MSRA: variants seen among roughly 807,000 people sequenced by gnomAD.
MSRA encodes mitochondrial peptide methionine sulfoxide reductase.
Under a neutral mutation model 31.3 loss-of-function variants are expected in MSRA, and 54 were observed. The ratio of observed to expected loss-of-function variants is 1.73; its 90% confidence interval spans 1.39 to 2.17. MSRA has a LOEUF of 2.17. Ranked by LOEUF, MSRA falls within the 30% of genes most tolerant of loss-of-function variation. MSRA has a pLI of 0.00. For synonymous variants in MSRA, 169 were observed against 116.5 expected (o/e 1.45, Z -2.90); for missense variants, 507 against 300.9 (o/e 1.69, Z -5.07).
chr8:10,357,044 G>T (rs147459881), intron 5 of MSRA, among the ~76,000 whole-genome samples: 2 of 151,958 alleles, frequency 1.3e-5, no homozygotes, highest in Non-Finnish European at 2.9e-5. Flanking sequence ...TGTATTTCCT[G>T]AACATTGGCA....
At position 10,421,243 on chromosome 8, in the gene MSRA, C is replaced by T. The variant is rs575183932; in HGVS notation, c.544-6905C>T. Among the ~76,000 whole-genome samples, 4 of 152,266 alleles carry T rather than the reference C, an allele frequency of 2.6e-5. No individual in the cohort carries two copies. In the South Asian group the frequency reaches 8.3e-4, roughly 32 times the overall value. On this transcript the variant is annotated intron_variant, in intron 5 of 5. Transcript: ENST00000317173. ...GCTGGCCTCGGCTGCTGACCGGTGG[C>T]TGTGGTCATGCCTGTCCTCTCCCCC...
chr8:10,125,925 T>G (rs1417786776), intron 1 of MSRA, among the ~76,000 whole-genome samples: 3 of 152,228 alleles, frequency 2.0e-5, no homozygotes, highest in African/African-American at 7.2e-5. Flanking sequence ...CACTAACTGC[T>G]TTAAAAGGCG....
intron 1 of MSRA, among the ~76,000 whole-genome samples, chr8:10,168,629 C>G (rs1459060904): frequency 6.6e-6 from 1 of 152,148 alleles, no homozygotes; most frequent in African/African-American, 2.4e-5. Context: ...AAGTGAAGCT[C>G]AGAGAAGGGA....
intron 2 of MSRA, among the ~76,000 whole-genome samples, chr8:10,239,608 G>T (rs926701385): frequency 6.6e-6 from 1 of 152,226 alleles, no homozygotes; most frequent in Admixed American, 6.5e-5. Context: ...ACTTGTCCCT[G>T]TAGCAGTGAT....
chr8:10,211,629 G>C (rs905614809), intron 2 of MSRA, among the ~76,000 whole-genome samples: 1 of 152,160 alleles, frequency 6.6e-6, no homozygotes, highest in African/African-American at 2.4e-5. Flanking sequence ...CCCGCCCTGT[G>C]TAGTGGGCAT....
chr8:10,380,239 C>G (rs1488117480), intron 5 of MSRA, among the ~76,000 whole-genome samples: 1 of 152,220 alleles, frequency 6.6e-6, no homozygotes, highest in Non-Finnish European at 1.5e-5. Flanking sequence ...CTTTTTATCT[C>G]TCTGGATGAT....
At chr8:10,312,788 T>C (rs1801504403) in intron 4 of MSRA, among the ~76,000 whole-genome samples, 1 of 152,226 alleles carries the variant, frequency 6.6e-6, no homozygotes, top group East Asian at 1.9e-4. Flanking sequence ...GCAGGTATTT[T>C]AAAAACATGT....
chr8:10,325,634 A>C (rs1265208428), intron 5 of MSRA, among the ~76,000 whole-genome samples: 4 of 152,246 alleles, frequency 2.6e-5, no homozygotes, highest in Non-Finnish European at 5.9e-5. Flanking sequence ...TTGCAAAATC[A>C]GCAATTTGCA....
chr8:10,385,056 C>T (rs1259340939), intron 5 of MSRA, among the ~76,000 whole-genome samples: 2 of 152,024 alleles, frequency 1.3e-5, no homozygotes, highest in Admixed American at 6.6e-5. Flanking sequence ...TAGGGTGTTG[C>T]AGTGGGGAAG....
chr8:10,428,189 C>G lies in MSRA; in HGVS notation c.585C>G (p.Ile195Met), dbSNP rs779669937. The change falls in exon 6 of 6, where the codon ATC becomes ATG. Residue 195 changes from isoleucine (I) to methionine (M), a missense_variant. Physicochemically the swap from Ile to Met is conservative, Grantham distance 10. Coordinates refer to ENST00000317173, the MANE Select transcript of MSRA (RefSeq NM_012331.5). ...EHGFGPITTD[I>M]REGQTFYYAE... ...GCTTCGGCCCCATCACTACCGACAT[C>G]CGGGAGGGACAGACTTTCTACTATG... The G allele has an allele frequency of 4.3e-6, 7 of 1,614,158 alleles. No individual in the cohort carries two copies. Among genetic ancestry groups the G allele is most frequent in the Non-Finnish European group, 5.9e-6 (7 of 1,180,018 alleles).
rs116485719 is a variant in MSRA at position 10,250,368 on chromosome 8, A to G, written c.331+5145A>G. ...ATATACAAATACCCCATTTCTGGCA[A>G]GAAAACCCAGGATGTTCATTCACTG... On this transcript the variant is annotated intron_variant, in intron 3 of 5. Transcript: ENST00000317173. 993 of 698,902 alleles carry G rather than the reference A, an allele frequency of 1.4e-3. 5 individuals carry two copies. The African/African-American group carries it at 0.015, about 11-fold the overall frequency. The allele number at this position is 698,902 out of a possible 1,614,324, so 43.3% of individuals were successfully genotyped here.
intron 3 of MSRA, among the ~76,000 whole-genome samples, chr8:10,260,203 GC>G (rs1798400359): frequency 6.6e-6 from 1 of 152,232 alleles, no homozygotes; most frequent in Admixed American, 6.5e-5. Flanking sequence ...GGCTCTCCTT[GC>G]CATTTGGTCC....
chr8:10,376,308 A>T (rs1805753433), intron 5 of MSRA, among the ~76,000 whole-genome samples: 1 of 152,228 alleles, frequency 6.6e-6, no homozygotes, highest in Non-Finnish European at 1.5e-5. Flanking sequence ...AGCCAGGAAC[A>T]GCAAATGCCA....
chr8:10,147,602 G>C (rs1395484382), intron 1 of MSRA, among the ~76,000 whole-genome samples: 6 of 152,222 alleles, frequency 3.9e-5, no homozygotes, highest in Non-Finnish European at 5.9e-5. Flanking sequence ...ATGAGAACAG[G>C]AGGCAGGGGC....
chr8:10,209,839 T>C (rs140552667), intron 2 of MSRA, among the ~76,000 whole-genome samples: 1 of 152,236 alleles, frequency 6.6e-6, no homozygotes, highest in Admixed American at 6.5e-5. Context: ...AGATGAATCA[T>C]GTGCATAATT....
chr8:10,379,712 G>T (rs770681267), intron 5 of MSRA, among the ~76,000 whole-genome samples: 1 of 152,214 alleles, frequency 6.6e-6, no homozygotes, highest in Non-Finnish European at 1.5e-5. Flanking sequence ...AGATTATTTT[G>T]TTAGGATAAA....
In MSRA at chr8:10,208,099, T is replaced by A. The variant is rs566062672; in HGVS notation, c.211+198T>A. Among the ~76,000 whole-genome samples the A allele has an allele frequency of 3.9e-5, 6 of 152,352 alleles. No homozygotes were observed. In the South Asian group the frequency reaches 8.3e-4, roughly 21 times the overall value. On this transcript the variant is annotated intron_variant, in intron 2 of 5. Coordinates refer to ENST00000317173, the MANE Select transcript of MSRA (RefSeq NM_012331.5). ...CTTATTCTATAGAATTTAGCGTGCTTTATTTTCTCACGTTGACAACCACGT... is the reference window on the plus strand; with the variant it reads ...CTTATTCTATAGAATTTAGCGTGCTATATTTTCTCACGTTGACAACCACGT...
At chr8:10,241,038 T>C (rs1812370340) in intron 2 of MSRA, among the ~76,000 whole-genome samples, 1 of 152,128 alleles carries the variant, frequency 6.6e-6, no homozygotes, top group Non-Finnish European at 1.5e-5. Flanking sequence ...TTCCTCTTTA[T>C]GATAGACTGT....
chr8:10,126,714 A>T (rs891143825), intron 1 of MSRA, among the ~76,000 whole-genome samples: 4 of 152,118 alleles, frequency 2.6e-5, no homozygotes, highest in Non-Finnish European at 4.4e-5. Context: ...GGATTTTGCC[A>T]TGTTGGCCAG....
Sources: allele counts gnomAD v4.1 joint callset (sites outside exome capture counted in the v4.1 genomes callset), GRCh38; gene constraint gnomAD v4.1.1; transcripts MANE v1.5; gene names NCBI Gene and HGNC (gene_info 2026-07-23, HGNC 2026-07-21).